Variants in KCNK9 observed in about 807,000 individuals in gnomAD.
KCNK9 encodes the protein potassium two pore domain channel subfamily K member 9.
A neutral mutation model predicts 10.8 loss-of-function variants in KCNK9; 1 was observed. That is an observed-to-expected ratio of 0.09 (90% CI 0.03 to 0.44). The LOEUF is 0.44. KCNK9 is among the 20% of genes least tolerant of loss of function. KCNK9 has a pLI of 0.97. For synonymous variants in KCNK9, 231 were observed against 222.7 expected (o/e 1.04, Z -0.33); for missense variants, 303 against 515.0 (o/e 0.59, Z 3.98).
At chr8:139,613,483 C>G (rs1216112272), downstream of KCNK9, among the ~76,000 whole-genome samples, 1 of 152,158 alleles carries the variant, frequency 6.6e-6, no homozygotes, top group Non-Finnish European at 1.5e-5. Context: ...CTGCTATTGC[C>G]GGTCCCTCTT....
At chr8:139,687,906 T>A (rs183451486) in intron 1 of KCNK9, among the ~76,000 whole-genome samples, 21 of 152,068 alleles carry the variant, frequency 1.4e-4, no homozygotes, top group Admixed American at 2.0e-4. Flanking sequence ...AGTGTTCATT[T>A]ATTATATATA....
chr8:139,680,152 C>G (rs1448772668), intron 1 of KCNK9, among the ~76,000 whole-genome samples: 2 of 152,216 alleles, frequency 1.3e-5, no homozygotes, highest in Non-Finnish European at 2.9e-5. Context: ...TTCCAGCTGG[C>G]AGCGCCTCTG....
Position 139,687,385 on chromosome 8 carries a change from AAT to A in KCNK9, c.283+15323_283+15324del, listed in dbSNP as rs776565703. ...ATATATATGTGTATACATATATATGAATATATATGTGTATACATATATATTCA... is the reference window on the plus strand; with the variant it reads ...ATATATATGTGTATACATATATATGAATATATGTGTATACATATATATTCA... On this transcript the variant is annotated intron_variant, in intron 1 of 1. Transcript: ENST00000520439. 4.5e-5 allele frequency among the ~76,000 whole-genome samples: 4 copies of A among 89,400 alleles called. 1 individual carries two copies. The highest frequency in any genetic ancestry group is 7.2e-5 in the Non-Finnish European group (3 of 41,512). The allele number at this position is 89,400 out of a possible 152,430, so 58.6% of individuals were successfully genotyped here.
Position 139,618,126 on chromosome 8 carries a change from A to G in KCNK9, c.*132T>C. ...GGGAAAATGAGACCAAGAGACCAAG[A>G]AAGGAGGAAGGAGAGAAAGTAATAA... is the stretch of plus-strand genomic sequence containing the variant. On this transcript the variant is annotated 3_prime_UTR_variant, in exon 2 of 2. Transcript: ENST00000520439. The surrounding 1 kb of genome is among the most constrained non-coding windows in gnomAD (Gnocchi z 7.9). The G allele has an allele frequency of 7.7e-7, 1 of 1,304,354 alleles. No homozygotes were observed. The highest frequency in any genetic ancestry group is 2.5e-4 in the Middle Eastern group (1 of 3,928). 80.8% of individuals were successfully genotyped at this position (1,304,354 alleles called of 1,614,324 possible). A position where few individuals can be genotyped will look rare whatever the true frequency, so the allele number is the denominator to read the frequency against.
intron 2 of KCNK9, among the ~76,000 whole-genome samples, chr8:139,607,053 C>T (rs769703291): frequency 6.6e-6 from 1 of 152,182 alleles, no homozygotes; most frequent in Non-Finnish European, 1.5e-5. Context: ...TAGCCTTTTT[C>T]AGTAGTGTGC....
intron 1 of KCNK9, among the ~76,000 whole-genome samples, chr8:139,691,986 G>T (rs1816942964): frequency 6.6e-6 from 1 of 152,214 alleles, no homozygotes; most frequent in Non-Finnish European, 1.5e-5. Context: ...GAAAGAAGCA[G>T]GCTCAGCTGG....
At chr8:139,692,056 T>C (rs557153662) in intron 1 of KCNK9, among the ~76,000 whole-genome samples, 1 of 152,304 alleles carries the variant, frequency 6.6e-6, no homozygotes, top group East Asian at 1.9e-4. Context: ...CTGGAGAGGA[T>C]GTTGGAGGTG....
intron 1 of KCNK9, among the ~76,000 whole-genome samples, chr8:139,645,449 A>G (rs1201415873): frequency 6.6e-6 from 1 of 152,152 alleles, no homozygotes; most frequent in Non-Finnish European, 1.5e-5. Flanking sequence ...AAGTTGGCAT[A>G]GTCAGGCAGT....
At chr8:139,632,162 A>C (rs796264646) in intron 1 of KCNK9, among the ~76,000 whole-genome samples, 10 of 152,326 alleles carry the variant, frequency 6.6e-5, no homozygotes, top group African/African-American at 2.4e-4. Context: ...CCCATTCTGC[A>C]TGGGAGGTAG....
intron 1 of KCNK9, among the ~76,000 whole-genome samples, chr8:139,649,053 A>G (rs964480188): frequency 1.3e-5 from 2 of 152,172 alleles, no homozygotes; most frequent in African/African-American, 4.8e-5. Context: ...ATGCAGAGCT[A>G]ATATTTATCC....
intron 2 of KCNK9, among the ~76,000 whole-genome samples, chr8:139,603,395 A>C (rs1197587827): frequency 6.6e-6 from 1 of 152,174 alleles, no homozygotes; most frequent in African/African-American, 2.4e-5. Context: ...AGCAAAAGGA[A>C]GTTGTGGATC....
At chr8:139,616,632 G>A (rs1563715648), downstream of KCNK9, 1 of 152,206 alleles carries the variant, frequency 6.6e-6, no homozygotes. Context: ...TTTCTAGGGA[G>A]CAAAGCCTCC....
intron 1 of KCNK9, among the ~76,000 whole-genome samples, chr8:139,663,876 T>C (rs1438429964): frequency 6.6e-6 from 1 of 152,210 alleles, no homozygotes; most frequent in Admixed American, 6.5e-5. Context: ...GTTTGTTATG[T>C]AGCCACGGAT....
At chr8:139,613,884 ACAGTTTGC>A (rs1814503518), downstream of KCNK9, among the ~76,000 whole-genome samples, 1 of 152,220 alleles carries the variant, frequency 6.6e-6, no homozygotes, top group Non-Finnish European at 1.5e-5. Flanking sequence ...GAACAAAGCC[ACAGTTTGC>A]CAGAGTGCTT....
rs111697902 is a variant in KCNK9, at chr8:139,681,491, G to A, written c.283+21219C>T. 7.7e-3 allele frequency among the ~76,000 whole-genome samples: 1,180 copies of A among 152,342 alleles called. 12 individuals are homozygous for A. Among genetic ancestry groups the A allele is most frequent in the African/African-American group, 0.027 (1,127 of 41,582 alleles). ...GAGTGAGAAGCTGGGAGAGCAGGGC[G>A]GAGCCCGGTGGGTGAGGTCCACACA... On this transcript the variant is annotated intron_variant, in intron 1 of 1. Coordinates refer to ENST00000520439, the MANE Select transcript of KCNK9 (RefSeq NM_001282534.2).
At chr8:139,699,501 T>C (rs1221184159) in intron 1 of KCNK9, among the ~76,000 whole-genome samples, 1 of 152,068 alleles carries the variant, frequency 6.6e-6, no homozygotes, top group Non-Finnish European at 1.5e-5. Flanking sequence ...CATGCAAAGG[T>C]CTAGCACTTC....
intron 1 of KCNK9, among the ~76,000 whole-genome samples, chr8:139,663,915 G>A (rs77537075): frequency 5.3e-5 from 8 of 152,242 alleles, no homozygotes; most frequent in Non-Finnish European, 7.4e-5. Flanking sequence ...TACAGGAAGC[G>A]TGAAGTCAGT....
chr8:139,646,894 A>G (rs1010392078), intron 1 of KCNK9, among the ~76,000 whole-genome samples: 4 of 152,234 alleles, frequency 2.6e-5, no homozygotes, highest in Admixed American at 2.6e-4. Context: ...CCCCAAAAGG[A>G]ATGACTGTGT....
intron 1 of KCNK9, among the ~76,000 whole-genome samples, chr8:139,637,450 T>C (rs1376619634): frequency 2.0e-5 from 3 of 152,072 alleles, no homozygotes; most frequent in Non-Finnish European, 2.9e-5. Flanking sequence ...ATTTAAAAAA[T>C]AAAAAGAGGA....
Sources: gnomAD v4.1 joint callset for allele counts (sites outside exome capture counted in the v4.1 genomes callset) on GRCh38, gnomAD v4.1.1 for gene constraint, Gnocchi (gnomAD v3.1) non-coding constraint, MANE v1.5 for transcripts, NCBI Gene and HGNC (gene_info 2026-07-23, HGNC 2026-07-21) for gene names.